Variants in CDC42BPB observed in about 807,000 individuals in gnomAD.
The protein encoded by CDC42BPB is CDC42 binding protein kinase beta.
In CDC42BPB, 37 loss-of-function variants were observed where a neutral mutation model predicts 214.9. The ratio of observed to expected loss-of-function variants is 0.17; its 90% CI spans 0.13 to 0.23. CDC42BPB has a LOEUF of 0.23. Among genes scored for constraint, CDC42BPB ranks in the 10% least tolerant of loss-of-function variants. The probability of loss-of-function intolerance (pLI) is 1.00; values close to 1 mark genes in which losing one functional copy is unlikely to be tolerated. For missense variants in CDC42BPB, 1,694 were observed against 2,227.0 expected (o/e 0.76, Z 4.82); for synonymous variants, 931 against 884.0 (o/e 1.05, Z -0.94).
intron 24 of CDC42BPB, among the ~76,000 whole-genome samples, chr14:102,951,677 C>T (rs1273416365): frequency 6.6e-6 from 1 of 151,978 alleles, no homozygotes. Context: ...TCCCCAGCTA[C>T]TTGGGCGGAT....
chr14:103,054,232 T>A (rs993943671), intron 1 of CDC42BPB, among the ~76,000 whole-genome samples: 6 of 152,194 alleles, frequency 3.9e-5, no homozygotes, highest in African/African-American at 1.4e-4. Flanking sequence ...TATTCCCCAT[T>A]AAGCCTCCAA....
chr14:102,976,556 G>A (rs985276091), intron 9 of CDC42BPB, among the ~76,000 whole-genome samples: 1 of 152,234 alleles, frequency 6.6e-6, no homozygotes, highest in Non-Finnish European at 1.5e-5. Context: ...ACTCGATGAC[G>A]CACACAGCCG....
At chr14:103,047,353 A>C (rs1488014841) in intron 1 of CDC42BPB, among the ~76,000 whole-genome samples, 1 of 152,096 alleles carries the variant, frequency 6.6e-6, no homozygotes, top group Admixed American at 6.6e-5. Flanking sequence ...CCAGAGCTGA[A>C]GGACCCAAGC....
intron 36 of CDC42BPB, among the ~76,000 whole-genome samples, chr14:102,936,012 A>AT (rs1476415245): frequency 1.3e-5 from 2 of 152,220 alleles, no homozygotes; most frequent in Non-Finnish European, 2.9e-5. Context: ...GATGCTAAAC[A>AT]TAAGTCTTTA....
At position 103,001,402 on chromosome 14, in the gene CDC42BPB, C is replaced by T. The variant is rs923695889; in HGVS notation, c.448-1689G>A. Among the ~76,000 whole-genome samples the T allele has an allele frequency of 5.3e-5, 8 of 152,116 alleles. No homozygotes were observed. The highest frequency in any genetic ancestry group is 1.2e-4 in the African/African-American group (5 of 41,422). The stretch of plus-strand genomic sequence containing the variant: ...TGGTGAGCGCCAGCTGACCGCAGGC[C>T]GCCTGGTGAGGTGCCCAGGCCAGAG... On this transcript the variant is annotated intron_variant, in intron 4 of 36. Transcript: ENST00000361246. The surrounding 1 kb of genome is among the most constrained non-coding windows in gnomAD (Gnocchi z 5.8).
intron 1 of CDC42BPB, among the ~76,000 whole-genome samples, chr14:103,013,609 G>A (rs1411371873): frequency 6.6e-6 from 1 of 152,234 alleles, no homozygotes; most frequent in Non-Finnish European, 1.5e-5. Flanking sequence ...CAAGACTGGT[G>A]TCCTTCTAAA....
chr14:102,968,932 G>C, intron 14 of CDC42BPB: 1 of 972,448 alleles, frequency 1.0e-6, no homozygotes, highest in Non-Finnish European at 1.2e-6. Context: ...GCCCAGGTCT[G>C]CCTGGGACCC....
chr14:103,003,903 C>T, intron 4 of CDC42BPB, 25 bp downstream of exon 4: 2 of 1,581,514 alleles, frequency 1.3e-6, no homozygotes, highest in Non-Finnish European at 1.7e-6. Flanking sequence ...AATGCCCTGA[C>T]CGAGTCTCTG....
chr14:102,945,515 G>T, intron 29 of CDC42BPB, 147 bp downstream of exon 29: 1 of 661,822 alleles, frequency 1.5e-6, no homozygotes, highest in South Asian at 1.8e-5. Flanking sequence ...CCATGCACTC[G>T]ATGCCGGTCT....
At position 102,933,816 on chromosome 14, in the gene CDC42BPB, T is replaced by C. The variant is rs768331940; in HGVS notation, c.5032A>G (p.Thr1678Ala). Residue 1678 changes from threonine (T) to alanine (A), a missense_variant, in exon 37 of 37, where the codon ACT becomes GCT. Thr to Ala is a moderately conservative substitution (Grantham distance 58). This residue lies in a region of CDC42BPB where 146 missense variants were observed against 134.1 expected (regional missense o/e 1.09). Coordinates refer to ENST00000361246, the MANE Select transcript of CDC42BPB (RefSeq NM_006035.4). Reference sequence around the variant, plus strand: ...CTGGGGTTGGAGCTATTCGATGGAGTTGAGTGTTTGGTGGAGTCCGAATCA... The same window carrying C: ...CTGGGGTTGGAGCTATTCGATGGAGCTGAGTGTTTGGTGGAGTCCGAATCA... ...EPDSDSTKHS[T>A]PSNSSNPSGP... is the part of the protein sequence containing the mutation. The C allele has an allele frequency of 2.0e-6, 3 of 1,516,270 alleles. No homozygotes were observed. Among genetic ancestry groups the C allele is most frequent in the Non-Finnish European group, 2.6e-6 (3 of 1,140,926 alleles). The allele number at this position is 1,516,270 out of a possible 1,614,324, so 93.9% of individuals were successfully genotyped here.
chr14:102,998,604 C>G (rs1370300836), intron 5 of CDC42BPB, among the ~76,000 whole-genome samples: 1 of 152,228 alleles, frequency 6.6e-6, no homozygotes, highest in Non-Finnish European at 1.5e-5. Flanking sequence ...CACTGGGGAG[C>G]TGCCCTCCCA....
intron 12 of CDC42BPB, 23 bp from the exon 13 acceptor site, chr14:102,972,184 G>A (rs753444154): frequency 1.2e-6 from 2 of 1,606,764 alleles, no homozygotes; most frequent in Non-Finnish European, 1.7e-6. Flanking sequence ...AATTATAGAT[G>A]TTTTACGTTT....
chr14:102,975,144 G>C (rs1893679437), intron 11 of CDC42BPB, among the ~76,000 whole-genome samples: 1 of 152,186 alleles, frequency 6.6e-6, no homozygotes, highest in Non-Finnish European at 1.5e-5. Flanking sequence ...AACTGTAACA[G>C]AGAAGCAGAA....
intron 9 of CDC42BPB, 81 bp from the exon 10 acceptor site, chr14:102,976,130 A>C: frequency 6.4e-7 from 1 of 1,555,544 alleles, no homozygotes; most frequent in Non-Finnish European, 8.7e-7. Context: ...CCTGAGGTGA[A>C]AGATAGTCTT....
intron 18 of CDC42BPB, among the ~76,000 whole-genome samples, chr14:102,965,253 G>A (rs887914505): frequency 6.6e-6 from 1 of 152,004 alleles, no homozygotes; most frequent in African/African-American, 2.4e-5. Context: ...ATTTCTATAT[G>A]GGTCCACTGG....
At chr14:102,975,663 G>C (rs774076783) in intron 11 of CDC42BPB, 21 bp downstream of exon 11, 2 of 1,611,898 alleles carry the variant, frequency 1.2e-6, no homozygotes, top group Non-Finnish European at 1.7e-6. Flanking sequence ...AGACTAAGAA[G>C]TCACACTTTT....
intron 1 of CDC42BPB, among the ~76,000 whole-genome samples, chr14:103,020,637 CCA>C (rs34086660): frequency 0.058 from 8,790 of 152,250 alleles, 522 homozygotes; most frequent in African/African-American, 0.15. Flanking sequence ...AGGAGTGCAG[CCA>C]CAGTGGACGG....
chr14:102,971,927 T>G lies in CDC42BPB; in HGVS notation c.1876A>C (p.Arg626=). The change falls in exon 13 of 37, where the codon AGG becomes CGG. Residue 626 remains arginine (R), a synonymous_variant. Transcript: ENST00000361246. ...RQEMRRAEKL[R]KELEAQLDDA... is the part of the protein sequence containing the mutation. The stretch of plus-strand genomic sequence containing the variant: ...ACCATCTCCACAGCTACCTCTTTCC[T>G]GAGCTTCTCAGCTCTCCGCATTTCC... 1.2e-6 allele frequency: 2 copies of G among 1,614,084 alleles called. No individual in the cohort carries two copies.
chr14:103,050,823 A>C (rs1888563963), intron 1 of CDC42BPB, among the ~76,000 whole-genome samples: 1 of 152,096 alleles, frequency 6.6e-6, no homozygotes, highest in South Asian at 2.1e-4. Flanking sequence ...AGGTCAGGGA[A>C]ATCATCACCT....
Sources: gnomAD v4.1 joint callset for allele counts (sites outside exome capture counted in the v4.1 genomes callset) on GRCh38, gnomAD v4.1.1 for gene constraint, gnomAD v4.1.1 regional missense constraint, Gnocchi (gnomAD v3.1) non-coding constraint, MANE v1.5 for transcripts, NCBI Gene and HGNC (gene_info 2026-07-23, HGNC 2026-07-21) for gene names.